Variants in NCAM2 observed in about 807,000 individuals in gnomAD.
NCAM2 encodes neural cell adhesion molecule 2.
In NCAM2, 30 loss-of-function variants were observed where a neutral mutation model predicts 98.1. The observed-to-expected ratio is 0.31, with a 90% confidence interval of 0.23 to 0.41. NCAM2 has a LOEUF of 0.41. Among genes scored for constraint, NCAM2 ranks in the 10% least tolerant of loss-of-function variants. NCAM2 has a pLI of 1.00. For missense variants in NCAM2, 867 were observed against 1,005.8 expected (o/e 0.86, Z 1.87); for synonymous variants, 368 against 342.4 (o/e 1.07, Z -0.83).
intron 8 of NCAM2, among the ~76,000 whole-genome samples, chr21:21,360,512 T>C (rs1266095347): frequency 1.3e-5 from 2 of 152,030 alleles, no homozygotes; most frequent in East Asian, 1.9e-4. Context: ...ACTTATAAGA[T>C]AATGTATTTC....
chr21:20,998,725 C>A, intron 1 of NCAM2, 107 bp downstream of exon 1: 2 of 1,045,180 alleles, frequency 1.9e-6, no homozygotes, highest in Non-Finnish European at 2.9e-6. Context: ...ACTAAAGTTA[C>A]AGTTATTGCT....
rs979901302 is a variant in NCAM2, at chr21:21,530,187, A to G, written c.2283-4350A>G. On this transcript the variant is annotated intron_variant, in intron 16 of 17. Coordinates refer to ENST00000400546, the MANE Select transcript of NCAM2 (RefSeq NM_004540.5). ...AATTTAATTTAATTATATATGATTT[A>G]ATTTAATTTAATTATATATAATTTA... Among the ~76,000 whole-genome samples, 12 of 111,202 alleles carry G rather than the reference A, an allele frequency of 1.1e-4. 2 individuals carry two copies. The highest frequency in any genetic ancestry group is 2.7e-4 in the African/African-American group (7 of 25,644). The allele number at this position is 111,202 out of a possible 152,430, so 73.0% of individuals were successfully genotyped here. A position where few individuals can be genotyped will look rare whatever the true frequency, so the allele number is the denominator to read the frequency against.
chr21:21,035,615 T>C (rs1261489326), intron 1 of NCAM2, among the ~76,000 whole-genome samples: 1 of 152,186 alleles, frequency 6.6e-6, no homozygotes, highest in African/African-American at 2.4e-5. Flanking sequence ...TTAGCAATAT[T>C]ATGTGTCCAG....
chr21:21,225,081 G>A (rs1250599160), intron 1 of NCAM2, among the ~76,000 whole-genome samples: 2 of 152,074 alleles, frequency 1.3e-5, no homozygotes, highest in Non-Finnish European at 2.9e-5. Flanking sequence ...TGCAGCCATG[G>A]AAAGGAATAG....
At chr21:21,146,595 ATGTGTG>A (rs2067282257) in intron 1 of NCAM2, among the ~76,000 whole-genome samples, 3 of 147,760 alleles carry the variant, frequency 2.0e-5, no homozygotes, top group Non-Finnish European at 4.5e-5. Flanking sequence ...AAATACGTGT[ATGTGTG>A]TGTGTGTTTT....
intron 16 of NCAM2, among the ~76,000 whole-genome samples, chr21:21,522,007 CAATA>C (rs1989042404): frequency 6.8e-6 from 1 of 148,094 alleles, no homozygotes; most frequent in South Asian, 2.1e-4. Flanking sequence ...GTGTATATAT[CAATA>C]TATAAATATA....
At chr21:21,260,502 C>T (rs539134572) in intron 1 of NCAM2, among the ~76,000 whole-genome samples, 1 of 151,394 alleles carries the variant, frequency 6.6e-6, no homozygotes, top group Non-Finnish European at 1.5e-5. Flanking sequence ...TAACAGCGGA[C>T]TTTTCAGCAG....
In NCAM2 at chr21:20,998,433, C is replaced by G. The variant is rs899437199; in HGVS notation, c.-131C>G. The stretch of plus-strand genomic sequence containing the variant: ...CACTTTGCGAGGAGGAGCGCGCGGG[C>G]TGCGGGCGGCTGGGGCACCGCGGGA... On this transcript the variant is annotated 5_prime_UTR_variant, in exon 1 of 18. Coordinates refer to ENST00000400546, the MANE Select transcript of NCAM2 (RefSeq NM_004540.5). 1.5e-4 allele frequency: 111 copies of G among 755,144 alleles called. No individual in the cohort carries two copies. Among genetic ancestry groups the G allele is most frequent in the Non-Finnish European group, 2.1e-4 (102 of 476,416 alleles). The allele number at this position is 755,144 out of a possible 1,614,324, so 46.8% of individuals were successfully genotyped here.
intron 1 of NCAM2, among the ~76,000 whole-genome samples, chr21:21,018,275 A>G (rs565908123): frequency 5.2e-4 from 79 of 152,348 alleles, no homozygotes; most frequent in South Asian, 1.2e-3. Flanking sequence ...GATGTTTTCC[A>G]TCAAAACATA....
chr21:21,372,727 A>G (rs992891627), intron 8 of NCAM2, among the ~76,000 whole-genome samples: 1 of 151,802 alleles, frequency 6.6e-6, no homozygotes, highest in African/African-American at 2.4e-5. Context: ...CTTTCCTAGG[A>G]ATCACACACT....
intron 1 of NCAM2, among the ~76,000 whole-genome samples, chr21:21,125,657 G>T (rs1266438964): frequency 1.5e-5 from 2 of 132,402 alleles, no homozygotes; most frequent in South Asian, 2.3e-4. Flanking sequence ...TATATGTAGA[G>T]ATATATATAT....
At chr21:21,012,387 T>C (rs149858235) in intron 1 of NCAM2, among the ~76,000 whole-genome samples, 210 of 152,260 alleles carry the variant, frequency 1.4e-3, no homozygotes, top group African/African-American at 4.7e-3. Flanking sequence ...AAGCCGTCAG[T>C]CTGTGGATGA....
intron 12 of NCAM2, among the ~76,000 whole-genome samples, chr21:21,439,221 C>A (rs571338230): frequency 1.3e-5 from 2 of 151,780 alleles, no homozygotes; most frequent in South Asian, 2.1e-4. Context: ...CGGGTTCAAG[C>A]AATTCTCCTG....
chr21:21,186,736 G>T (rs930694618), intron 1 of NCAM2, among the ~76,000 whole-genome samples: 1 of 152,010 alleles, frequency 6.6e-6, no homozygotes, highest in African/African-American at 2.4e-5. Context: ...TATAAAAGAT[G>T]ATCTACATGA....
intron 1 of NCAM2, among the ~76,000 whole-genome samples, chr21:21,211,053 C>G (rs1372493301): frequency 6.7e-6 from 1 of 150,262 alleles, no homozygotes; most frequent in Non-Finnish European, 1.5e-5. Flanking sequence ...TTTCCACCAG[C>G]AATTTATTTC....
chr21:21,290,381 C>T (rs1264177536), intron 4 of NCAM2, among the ~76,000 whole-genome samples: 1 of 151,824 alleles, frequency 6.6e-6, no homozygotes, highest in Non-Finnish European at 1.5e-5. Flanking sequence ...TTTTAATTGA[C>T]TTTGAAACTT....
chr21:21,310,094 A>T (rs1296159479), intron 5 of NCAM2, among the ~76,000 whole-genome samples: 5 of 152,150 alleles, frequency 3.3e-5, no homozygotes, highest in African/African-American at 4.8e-5. Context: ...CTGACTTCTA[A>T]ATATTTTAAT....
chr21:21,122,526 C>G (rs577441121), intron 1 of NCAM2, among the ~76,000 whole-genome samples: 31 of 152,252 alleles, frequency 2.0e-4, no homozygotes, highest in Middle Eastern at 6.8e-3. Context: ...TTATTTCTCA[C>G]AATTCTTTGG....
At chr21:21,521,263 G>T (rs980215676) in intron 16 of NCAM2, among the ~76,000 whole-genome samples, 1 of 152,094 alleles carries the variant, frequency 6.6e-6, no homozygotes, top group African/African-American at 2.4e-5. Context: ...ACTCACTAAA[G>T]GACTGAGACC....
Sources: allele counts gnomAD v4.1 joint callset (sites outside exome capture counted in the v4.1 genomes callset), GRCh38; gene constraint gnomAD v4.1.1; transcripts MANE v1.5; gene names NCBI Gene and HGNC (gene_info 2026-07-23, HGNC 2026-07-21).